The following CUL5 variants were observed in gnomAD, a reference collection of about 807,000 sequenced individuals.
CUL5 encodes the protein cullin-5.
A neutral mutation model predicts 108.8 loss-of-function variants in CUL5; 26 were observed. The observed-to-expected ratio is 0.24, with a 90% CI of 0.18 to 0.33. CUL5 has a LOEUF of 0.33. Among genes scored for constraint, CUL5 ranks in the 10% least tolerant of loss-of-function variants. The pLI is 1.00. For missense variants in CUL5, 524 were observed against 909.2 expected, an observed-to-expected ratio of 0.58 and a Z score of 5.45; for synonymous variants, 334 against 298.0, an observed-to-expected ratio of 1.12 and a Z score of -1.25.
chr11:108,098,575 T>G (rs1462145246), intron 18 of CUL5, 46 bp downstream of exon 18: 4 of 440,612 alleles, frequency 9.1e-6, no homozygotes, highest in South Asian at 1.1e-4. Context: ...AAACTTTAGT[T>G]TTTTTTTTTT....
chr11:108,084,473 T>A (rs1189661843), intron 11 of CUL5, among the ~76,000 whole-genome samples: 3 of 152,214 alleles, frequency 2.0e-5, no homozygotes, highest in African/African-American at 4.8e-5. Flanking sequence ...GAATTGAAAG[T>A]CCAGGAGGGA....
chr11:108,091,208 C>T (rs191340355), intron 13 of CUL5, among the ~76,000 whole-genome samples: 16 of 152,062 alleles, frequency 1.1e-4, no homozygotes, highest in African/African-American at 2.7e-4. Flanking sequence ...TGTGCCATGA[C>T]GCCTGGCTAA....
At chr11:108,066,609 C>G (rs1002880262) in intron 7 of CUL5, among the ~76,000 whole-genome samples, 4 of 152,112 alleles carry the variant, frequency 2.6e-5, no homozygotes, top group African/African-American at 9.7e-5. Context: ...CTCAGATCAT[C>G]TAGCCTTCAT....
rs534261823 is a variant in CUL5, at chr11:108,078,130, A to G, written c.1114-46A>G. The stretch of plus-strand genomic sequence containing the variant: ...TTGGGATGTATAAAAATTTATCTGT[A>G]TATTTTCAATATTAAAAATATTTTA... On this transcript the variant is annotated intron_variant, in intron 10 of 18. Coordinates refer to ENST00000393094, the MANE Select transcript of CUL5 (RefSeq NM_003478.6). 80 of 1,112,048 alleles carry G rather than the reference A, an allele frequency of 7.2e-5. No individual in the cohort carries two copies. In the South Asian group the frequency reaches 9.6e-4, roughly 13 times the overall value. The allele number at this position is 1,112,048 out of a possible 1,614,324, so 68.9% of individuals were successfully genotyped here.
In CUL5 at chr11:108,053,865, T is replaced by C. The variant is rs370522034; in HGVS notation, c.554-782T>C. Among the ~76,000 whole-genome samples, 22 of 152,040 alleles carry C rather than the reference T, an allele frequency of 1.4e-4. 1 individual carries two copies. In the East Asian group the frequency reaches 3.9e-3, roughly 27 times the overall value. ...GGCTAATTTGTTTCTTTTTTTTTCTTTTTTTGAGACAGAGTCTCACTCTGT... is the reference window on the plus strand; with the variant it reads ...GGCTAATTTGTTTCTTTTTTTTTCTCTTTTTGAGACAGAGTCTCACTCTGT... On this transcript the variant is annotated intron_variant, in intron 5 of 18. Coordinates refer to ENST00000393094, the MANE Select transcript of CUL5 (RefSeq NM_003478.6).
intron 1 of CUL5, among the ~76,000 whole-genome samples, chr11:108,028,114 A>G (rs553595270): frequency 6.6e-6 from 1 of 152,204 alleles, no homozygotes; most frequent in Non-Finnish European, 1.5e-5. Context: ...TCAAGTTTTT[A>G]TTTTCTGATA....
At chr11:108,067,540 AT>A (rs879594771) in intron 7 of CUL5, among the ~76,000 whole-genome samples, 679 of 145,250 alleles carry the variant, frequency 4.7e-3, no homozygotes, top group Middle Eastern at 7.5e-3. Flanking sequence ...TCCTATGTAC[AT>A]TTTTTTTTTT....
At chr11:108,025,414 T>C (rs887320882) in intron 1 of CUL5, among the ~76,000 whole-genome samples, 1 of 152,332 alleles carries the variant, frequency 6.6e-6, no homozygotes, top group African/African-American at 2.4e-5. Flanking sequence ...TAAATAGTTT[T>C]GGATTTGGCT....
intron 1 of CUL5, among the ~76,000 whole-genome samples, chr11:108,011,562 T>C (rs1862057705): frequency 6.6e-6 from 1 of 152,142 alleles, no homozygotes; most frequent in Non-Finnish European, 1.5e-5. Context: ...TGAACTTTCT[T>C]GATGTGTAAC....
chr11:108,094,747 C>T, intron 14 of CUL5, 65 bp from the exon 15 acceptor site: 1 of 1,263,722 alleles, frequency 7.9e-7, no homozygotes. Context: ...CAAAGTTACC[C>T]TGTATTTATT....
chr11:108,049,712 A>G (rs1333585148), intron 3 of CUL5, among the ~76,000 whole-genome samples, 178 bp from the exon 4 acceptor site: 2 of 152,174 alleles, frequency 1.3e-5, no homozygotes, highest in African/African-American at 4.8e-5. Context: ...ATTTTGAATA[A>G]TGCTGCTGTG....
At chr11:108,029,993 T>C (rs968956723) in intron 1 of CUL5, among the ~76,000 whole-genome samples, 3 of 152,250 alleles carry the variant, frequency 2.0e-5, no homozygotes, top group Non-Finnish European at 4.4e-5. Flanking sequence ...AGGTATTCTT[T>C]TTTCCATGTC....
chr11:108,074,370 T>G (rs10890806), intron 10 of CUL5, among the ~76,000 whole-genome samples: 88,787 of 151,014 alleles, frequency 0.59, 27,772 homozygotes, highest in East Asian at 0.9. Context: ...AATTTTTGTA[T>G]TTTTACTACA....
chr11:108,097,362 A>G (rs919079549), intron 16 of CUL5, among the ~76,000 whole-genome samples: 1 of 152,226 alleles, frequency 6.6e-6, no homozygotes, highest in Non-Finnish European at 1.5e-5. Context: ...TAGCTGGTAT[A>G]TAACTGGCAG....
At chr11:108,025,561 T>C (rs1862432513) in intron 1 of CUL5, among the ~76,000 whole-genome samples, 1 of 152,212 alleles carries the variant, frequency 6.6e-6, no homozygotes, top group South Asian at 2.1e-4. Flanking sequence ...TTCTGTGGAC[T>C]CTACCCAATG....
intron 7 of CUL5, among the ~76,000 whole-genome samples, chr11:108,061,151 G>C (rs1274435652): frequency 1.3e-5 from 2 of 152,150 alleles, no homozygotes; most frequent in African/African-American, 2.4e-5. Context: ...TCTAGCAAAA[G>C]GAGACAGAAA....
intron 18 of CUL5, 44 bp downstream of exon 18, chr11:108,098,573 GTTT>G (rs11302777): frequency 1.7e-3 from 1,826 of 1,060,800 alleles, no homozygotes; most frequent in South Asian, 2.1e-3. Context: ...AAAAACTTTA[GTTT>G]TTTTTTTTTT....
intron 11 of CUL5, among the ~76,000 whole-genome samples, chr11:108,081,241 TC>T (rs1864074889): frequency 6.6e-6 from 1 of 151,948 alleles, no homozygotes; most frequent in Admixed American, 6.6e-5. Context: ...TGAGCCGAGA[TC>T]GTGCCATTAC....
At chr11:108,025,790 A>T (rs1862437754) in intron 1 of CUL5, among the ~76,000 whole-genome samples, 1 of 152,014 alleles carries the variant, frequency 6.6e-6, no homozygotes, top group African/African-American at 2.4e-5. Flanking sequence ...TGATGCCACA[A>T]ATTCTAGTCA....
Sources: allele counts gnomAD v4.1 joint callset (sites outside exome capture counted in the v4.1 genomes callset), GRCh38; gene constraint gnomAD v4.1.1; transcripts MANE v1.5; gene names NCBI Gene and HGNC (gene_info 2026-07-23, HGNC 2026-07-21).